CFAP54: variants seen among roughly 807,000 people sequenced by gnomAD.
CFAP54 encodes the protein cilia- and flagella-associated protein 54.
CFAP54 carries 290 observed loss-of-function variants against 370.4 expected under a neutral mutation model. The ratio of observed to expected loss-of-function variants is 0.78; its 90% CI spans 0.71 to 0.86. CFAP54 has a LOEUF of 0.86. Among genes scored for constraint, CFAP54 ranks in the 40% least tolerant of loss-of-function variants. CFAP54 has a pLI of 0.00. For missense variants in CFAP54, 3,399 were observed against 3,528.7 expected, an observed-to-expected ratio of 0.96 and a Z score of 0.93; for synonymous variants, 1,206 against 1,236.5, an observed-to-expected ratio of 0.98 and a Z score of 0.52.
At chr12:96,718,828 C>T (rs1406994639) in intron 49 of CFAP54, among the ~76,000 whole-genome samples, 1 of 152,150 alleles carries the variant, frequency 6.6e-6, no homozygotes, top group South Asian at 2.1e-4. Context: ...CACCTGAGGT[C>T]GGGAGTTCAA....
chr12:96,856,680 T>C (rs1471315866), intron 66 of CFAP54, among the ~76,000 whole-genome samples: 2 of 152,192 alleles, frequency 1.3e-5, no homozygotes, highest in Non-Finnish European at 2.9e-5. Context: ...CTCTAGGAAC[T>C]TCCAAACTTT....
intron 50 of CFAP54, among the ~76,000 whole-genome samples, chr12:96,730,754 G>A (rs2136626723): frequency 6.6e-6 from 1 of 152,230 alleles, no homozygotes; most frequent in East Asian, 1.9e-4. Context: ...GTTTCCCAAA[G>A]GGGAAATCAA....
intron 66 of CFAP54, among the ~76,000 whole-genome samples, chr12:96,854,734 A>G (rs1264076526): frequency 1.3e-5 from 2 of 152,156 alleles, no homozygotes; most frequent in Admixed American, 6.5e-5. Context: ...GTACCATTCT[A>G]TGTTTTATTT....
In CFAP54 at chr12:96,591,291, C is replaced by G. The variant is rs1294575123; in HGVS notation, c.3213-1199C>G. Among the ~76,000 whole-genome samples the G allele has an allele frequency of 2.0e-5, 3 of 152,084 alleles. No individual in the cohort carries two copies. In the East Asian group the frequency reaches 5.8e-4, roughly 29 times the overall value. ...GCAATTAGCAGGCCATTGGTGAATT[C>G]AAGAGAGCCACTTTTGTAGCATGAT... On this transcript the variant is annotated intron_variant, in intron 23 of 67. Coordinates refer to ENST00000524981, the MANE Select transcript of CFAP54 (RefSeq NM_001306084.2).
chr12:96,739,079 C>T (rs866812239), intron 50 of CFAP54, among the ~76,000 whole-genome samples: 5 of 152,164 alleles, frequency 3.3e-5, no homozygotes, highest in Non-Finnish European at 5.9e-5. Flanking sequence ...AAATTCAACT[C>T]ATAACACCTG....
chr12:96,777,419 G>A (rs1196492495), intron 60 of CFAP54, among the ~76,000 whole-genome samples: 1 of 150,208 alleles, frequency 6.7e-6, no homozygotes, highest in African/African-American at 2.5e-5. Flanking sequence ...GCGCAATCTC[G>A]CCTCCCTGCA....
chr12:96,591,122 G>A (rs562859086), intron 23 of CFAP54, among the ~76,000 whole-genome samples: 71 of 152,306 alleles, frequency 4.7e-4, no homozygotes, highest in Non-Finnish European at 9.0e-4. Context: ...GAAAGTCCAA[G>A]AAAGTGCATT....
intron 51 of CFAP54, among the ~76,000 whole-genome samples, chr12:96,741,676 C>T (rs772901630): frequency 3.3e-5 from 5 of 152,186 alleles, no homozygotes; most frequent in South Asian, 2.1e-4. Flanking sequence ...CTAGTGTCTA[C>T]GATGGACTCC....
chr12:96,825,996 TAAC>T (rs1057019470), intron 65 of CFAP54, among the ~76,000 whole-genome samples: 2 of 143,382 alleles, frequency 1.4e-5, no homozygotes, highest in Admixed American at 7.2e-5. Context: ...AATTAATAAA[TAAC>T]AATATATTAA....
intron 67 of CFAP54, among the ~76,000 whole-genome samples, chr12:96,863,323 G>A (rs1219970720): frequency 6.6e-6 from 1 of 152,084 alleles, no homozygotes; most frequent in Non-Finnish European, 1.5e-5. Context: ...TACCTGACAG[G>A]CACATATTTG....
chr12:96,816,741 G>A (rs1053941102), intron 64 of CFAP54, among the ~76,000 whole-genome samples: 14 of 152,196 alleles, frequency 9.2e-5, no homozygotes, highest in Admixed American at 9.2e-4. Flanking sequence ...GTATGCACAT[G>A]TGTGTTGTGC....
intron 60 of CFAP54, among the ~76,000 whole-genome samples, chr12:96,781,121 T>C (rs565641093): frequency 6.6e-6 from 1 of 152,214 alleles, no homozygotes; most frequent in Non-Finnish European, 1.5e-5. Flanking sequence ...TAGAAATATG[T>C]CAGCACAAAC....
At chr12:96,745,048 C>A (rs1440014928) in intron 55 of CFAP54, among the ~76,000 whole-genome samples, 2 of 152,166 alleles carry the variant, frequency 1.3e-5, no homozygotes, top group African/African-American at 2.4e-5. Context: ...CATAATATTC[C>A]ATGGTGTATA....
At chr12:96,864,561 T>G (rs1336709894) in intron 67 of CFAP54, among the ~76,000 whole-genome samples, 1 of 152,072 alleles carries the variant, frequency 6.6e-6, no homozygotes. Context: ...AGAAACTTGG[T>G]TTCTGCCTGC....
At chr12:96,727,443 T>A (rs890296743) in intron 50 of CFAP54, among the ~76,000 whole-genome samples, 1 of 145,624 alleles carries the variant, frequency 6.9e-6, no homozygotes, top group Admixed American at 6.8e-5. Flanking sequence ...GCCTTCTTTG[T>A]CTCTTTTGAT....
chr12:96,791,642 T>C (rs999564896), intron 62 of CFAP54, among the ~76,000 whole-genome samples: 2 of 152,148 alleles, frequency 1.3e-5, no homozygotes, highest in African/African-American at 4.8e-5. Flanking sequence ...AAAAATACTA[T>C]TGGAAAAATA....
In CFAP54 at chr12:96,643,927, A is replaced by G. The variant is rs552594591; in HGVS notation, c.4317-251A>G. Among the ~76,000 whole-genome samples the G allele has an allele frequency of 2.0e-5, 3 of 152,276 alleles. No homozygotes were observed. In the East Asian group the frequency reaches 5.8e-4, roughly 29 times the overall value. On this transcript the variant is annotated intron_variant, in intron 32 of 67. Coordinates refer to ENST00000524981, the MANE Select transcript of CFAP54 (RefSeq NM_001306084.2). ...TAAAAGCTCTGGTTGGTTTTAGCTA[A>G]GGACACAGACTTCAGAGAGAGTTGA...
intron 65 of CFAP54, among the ~76,000 whole-genome samples, chr12:96,825,453 A>G (rs1387046795): frequency 6.9e-5 from 8 of 116,188 alleles, no homozygotes; most frequent in African/African-American, 2.9e-4. Flanking sequence ...GTTATATTAT[A>G]TATAATATAA....
chr12:96,569,791 T>C (rs1223536683), intron 19 of CFAP54, among the ~76,000 whole-genome samples: 1 of 152,216 alleles, frequency 6.6e-6, no homozygotes, highest in African/African-American at 2.4e-5. Flanking sequence ...TTAGCAGTTC[T>C]AATAACCTCT....
Sources: allele counts gnomAD v4.1 joint callset (sites outside exome capture counted in the v4.1 genomes callset), GRCh38; gene constraint gnomAD v4.1.1; transcripts MANE v1.5; gene names NCBI Gene and HGNC (gene_info 2026-07-23, HGNC 2026-07-21).